Variants in F13B observed in about 807,000 individuals in gnomAD.
F13B encodes the protein coagulation factor XIII B chain.
Under a neutral mutation model 79.8 loss-of-function variants are expected in F13B, and 58 were observed. The ratio of observed to expected loss-of-function variants is 0.73; its 90% confidence interval spans 0.59 to 0.90. F13B has a LOEUF of 0.90. Among genes scored for constraint, F13B ranks in the 40% least tolerant of loss-of-function variants. F13B has a pLI of 0.00. For synonymous variants in F13B, 283 were observed against 260.3 expected, an observed-to-expected ratio of 1.09 and a Z score of -0.84; for missense variants, 773 against 777.0, an observed-to-expected ratio of 0.99 and a Z score of 0.06.
At position 197,050,690 on chromosome 1, in the gene F13B, T is replaced by C. The variant is rs757117452; in HGVS notation, c.1738+7A>G. 4 of 1,612,040 alleles carry C rather than the reference T, an allele frequency of 2.5e-6. No individual in the cohort carries two copies. Among genetic ancestry groups the C allele is most frequent in the Admixed American group, 1.7e-5 (1 of 59,808 alleles). ...ACTTTGTTAGAGGCATATTTAGTAG[T>C]ACATACCTAAACACAATGGTGGTGT... is the stretch of plus-strand genomic sequence containing the variant. On this transcript the variant is annotated splice_region_variant and intron_variant, in intron 10 of 11. Transcript: ENST00000367412.
intron 1 of F13B, among the ~76,000 whole-genome samples, chr1:197,066,554 C>G (rs889123443): frequency 6.6e-6 from 1 of 152,094 alleles, no homozygotes; most frequent in Admixed American, 6.6e-5. Context: ...TTTGGAAAGT[C>G]CTGATTTACA....
chr1:197,065,711 T>C lies in F13B; in HGVS notation c.64+1449A>G, dbSNP rs536940690. ...GATGACATTCTTACAGAAAGATAAG[T>C]TGGTTATATTACAATATTCATTCCA... is the stretch of plus-strand genomic sequence containing the variant. On this transcript the variant is annotated intron_variant, in intron 1 of 11. Coordinates refer to ENST00000367412, the MANE Select transcript of F13B (RefSeq NM_001994.3). Among the ~76,000 whole-genome samples, 81 of 152,246 alleles carry C rather than the reference T, an allele frequency of 5.3e-4. 1 individual carries two copies. The highest frequency in any genetic ancestry group is 1.9e-3 in the African/African-American group (78 of 41,558).
At chr1:197,054,625 A>G (rs1453678303) in intron 8 of F13B, among the ~76,000 whole-genome samples, 2 of 151,914 alleles carry the variant, frequency 1.3e-5, no homozygotes, top group African/African-American at 4.8e-5. Context: ...TGGCTAAACT[A>G]TGAATAATTA....
rs1197372673 is a variant in F13B at position 197,040,616 on chromosome 1, T to C, written c.1858A>G (p.Thr620Ala). 6.2e-7 allele frequency: 1 copy of C among 1,612,980 alleles called. No homozygotes were observed. ...EYIEFICRGD[T>A]YPAELYITGS... ...GTAATATATAATTCAGCTGGATAAGTATCTCCTCTACAAATAAACTCAATA... is the reference window on the plus strand; with the variant it reads ...GTAATATATAATTCAGCTGGATAAGCATCTCCTCTACAAATAAACTCAATA... Residue 620 changes from threonine (T) to alanine (A), a missense_variant, in exon 11 of 12, where the codon ACT becomes GCT. Thr to Ala is a moderately conservative substitution (Grantham distance 58). Transcript: ENST00000367412.
intron 10 of F13B, among the ~76,000 whole-genome samples, chr1:197,043,282 A>C (rs955793812): frequency 2.0e-5 from 3 of 152,176 alleles, no homozygotes; most frequent in African/African-American, 7.2e-5. Context: ...AGGTCTGAAA[A>C]CAAACATAGA....
intron 1 of F13B, 67 bp downstream of exon 1, chr1:197,067,093 T>C (rs1331916671): frequency 2.3e-6 from 2 of 852,282 alleles, no homozygotes; most frequent in Non-Finnish European, 3.8e-6. Context: ...AAAACTTGAG[T>C]TGTATAAATA....
chr1:197,051,764 A>C (rs1408295380), intron 9 of F13B, among the ~76,000 whole-genome samples: 1 of 152,142 alleles, frequency 6.6e-6, no homozygotes, highest in Non-Finnish European at 1.5e-5. Flanking sequence ...ATTTTCTCTA[A>C]AGATCAGCGA....
intron 7 of F13B, among the ~76,000 whole-genome samples, chr1:197,056,733 A>G (rs1388896949): frequency 1.3e-5 from 2 of 152,176 alleles, no homozygotes; most frequent in East Asian, 1.9e-4. Context: ...TAGAACTTAC[A>G]GGTAATGGCA....
chr1:197,053,618 T>G (rs2125065210), intron 8 of F13B, among the ~76,000 whole-genome samples: 1 of 152,134 alleles, frequency 6.6e-6, no homozygotes, highest in South Asian at 2.1e-4. Context: ...ATTAGCAGCA[T>G]GAGAACAGAC....
chr1:197,044,908 A>G (rs528045245), intron 10 of F13B, among the ~76,000 whole-genome samples: 1 of 151,856 alleles, frequency 6.6e-6, no homozygotes, highest in Non-Finnish European at 1.5e-5. Flanking sequence ...CTGAATGACT[A>G]CTAGATAAAT....
rs987354058 is a variant in F13B, at chr1:197,057,470, T to C, written c.806-5A>G. 2.5e-6 allele frequency: 4 copies of C among 1,613,570 alleles called. No homozygotes were observed. The highest frequency in any genetic ancestry group is 2.2e-5 in the South Asian group (2 of 91,062). On this transcript the variant is annotated splice_polypyrimidine_tract_variant and splice_region_variant and intron_variant, in intron 5 of 11. Coordinates refer to ENST00000367412, the MANE Select transcript of F13B (RefSeq NM_001994.3). ...GAGGACATCTGTTTCTTCTTCCTTA[T>C]GGAAAAAATTAATCAGCACCTTTAG...
In F13B at chr1:197,055,673, T is replaced by C. The variant is rs1455572010; in HGVS notation, c.1354+42A>G. On this transcript the variant is annotated intron_variant, in intron 8 of 11. Coordinates refer to ENST00000367412, the MANE Select transcript of F13B (RefSeq NM_001994.3). Reference sequence around the variant, plus strand: ...TATAAAACACTGTAAGAAAATCACATAAAAGTACAAACGTAGACATTCCAT... The same window carrying C: ...TATAAAACACTGTAAGAAAATCACACAAAAGTACAAACGTAGACATTCCAT... 1.9e-6 allele frequency: 3 copies of C among 1,594,242 alleles called. No individual in the cohort carries two copies. The Admixed American group carries it at 5.0e-5, about 27-fold the overall frequency.
At chr1:197,057,601 C>G in intron 5 of F13B, 136 bp from the exon 6 acceptor site, 1 of 946,966 alleles carries the variant, frequency 1.1e-6, no homozygotes, top group Non-Finnish European at 1.6e-6. Context: ...TTGATCCTCA[C>G]CTCCTGATGT....
rs1654949483 is a variant in F13B at position 197,039,254 on chromosome 1, A to T, written c.*124T>A. On this transcript the variant is annotated 3_prime_UTR_variant, in exon 12 of 12. Coordinates refer to ENST00000367412, the MANE Select transcript of F13B (RefSeq NM_001994.3). ...AAATAACGAAATGTTCAGCACAAAT[A>T]ATTTAGATTCAAATATTTAAGCAAG... 2.5e-6 allele frequency: 2 copies of T among 789,616 alleles called. No individual in the cohort carries two copies. The highest frequency in any genetic ancestry group is 4.3e-6 in the Non-Finnish European group (2 of 468,212). The allele number at this position is 789,616 out of a possible 1,614,324, so 48.9% of individuals were successfully genotyped here.
intron 9 of F13B, 89 bp from the exon 10 acceptor site, chr1:197,050,968 G>C (rs928643598): frequency 1.1e-5 from 13 of 1,138,538 alleles, no homozygotes; most frequent in Admixed American, 1.9e-5. Context: ...GTCTCCCTCT[G>C]TCACCCAGGC....
chr1:197,040,265 GTTTA>G, intron 11 of F13B: 1 of 432,560 alleles, frequency 2.3e-6, no homozygotes, highest in Non-Finnish European at 4.1e-6. Flanking sequence ...GTATAAATTG[GTTTA>G]TTTTTCCATT....
chr1:197,058,068 T>A (rs2125069055), intron 5 of F13B, among the ~76,000 whole-genome samples: 1 of 152,262 alleles, frequency 6.6e-6, no homozygotes, highest in South Asian at 2.1e-4. Context: ...CAATGGGAAA[T>A]AATTTCTTTG....
At chr1:197,043,413 G>A (rs764824804) in intron 10 of F13B, among the ~76,000 whole-genome samples, 1 of 152,090 alleles carries the variant, frequency 6.6e-6, no homozygotes, top group Non-Finnish European at 1.5e-5. Context: ...AATTTTCCAC[G>A]TATAATATTT....
chr1:197,058,011 C>T (rs1001570106), intron 5 of F13B, among the ~76,000 whole-genome samples: 23 of 152,128 alleles, frequency 1.5e-4, no homozygotes, highest in African/African-American at 5.6e-4. Flanking sequence ...TGATAGCCAT[C>T]GATGCAAGGA....
Sources: gnomAD v4.1 joint callset for allele counts (sites outside exome capture counted in the v4.1 genomes callset) on GRCh38, gnomAD v4.1.1 for gene constraint, MANE v1.5 for transcripts, NCBI Gene and HGNC (gene_info 2026-07-23, HGNC 2026-07-21) for gene names.